Variants in LRRC4C observed in about 807,000 individuals in gnomAD.
LRRC4C encodes leucine-rich repeat-containing protein 4C.
LRRC4C carries 5 observed loss-of-function variants against 33.6 expected under a neutral mutation model. The ratio of observed to expected loss-of-function variants is 0.15; its 90% confidence interval spans 0.08 to 0.31. The LOEUF (loss-of-function observed/expected upper bound fraction) is 0.31, where lower values mean the gene tolerates loss of function less well. Ranked by LOEUF, LRRC4C falls within the 10% of genes least tolerant of loss-of-function variation. LRRC4C has a pLI of 1.00. For synonymous variants in LRRC4C, 329 were observed against 302.0 expected (o/e 1.09, Z -0.93); for missense variants, 560 against 796.7 (o/e 0.70, Z 3.58).
At chr11:40,935,618 C>A (rs1208242304) in intron 1 of LRRC4C, among the ~76,000 whole-genome samples, 1 of 151,944 alleles carries the variant, frequency 6.6e-6, no homozygotes, top group Non-Finnish European at 1.5e-5. Context: ...TACCACATAG[C>A]CTAGGTGTAT....
intron 2 of LRRC4C, among the ~76,000 whole-genome samples, chr11:40,870,327 T>C (rs1954575588): frequency 6.6e-6 from 1 of 152,114 alleles, no homozygotes; most frequent in Admixed American, 6.6e-5. Context: ...TGGTGGTGCA[T>C]GGGATATGGT....
intron 1 of LRRC4C, among the ~76,000 whole-genome samples, chr11:41,159,762 A>G (rs945278947): frequency 3.1e-4 from 47 of 152,258 alleles, no homozygotes; most frequent in African/African-American, 9.1e-4. Flanking sequence ...AGAGAGATAC[A>G]CTTTTTATAC....
At chr11:40,739,417 C>T (rs866857977) in intron 2 of LRRC4C, among the ~76,000 whole-genome samples, 91 of 150,968 alleles carry the variant, frequency 6.0e-4, no homozygotes, top group African/African-American at 1.9e-3. Context: ...GAATACTCTT[C>T]CATTCTCTGT....
chr11:40,141,345 C>A (rs1857353724), intron 5 of LRRC4C, among the ~76,000 whole-genome samples: 1 of 152,024 alleles, frequency 6.6e-6, no homozygotes, highest in Admixed American at 6.6e-5. Flanking sequence ...GATATAAAAT[C>A]TTTCCTCTCT....
chr11:41,447,468 G>A (rs1331490476), intron 1 of LRRC4C, among the ~76,000 whole-genome samples: 4 of 152,092 alleles, frequency 2.6e-5, no homozygotes, highest in Non-Finnish European at 5.9e-5. Context: ...AAGTTCTAAA[G>A]GGTGAGAATT....
At chr11:41,434,071 G>A (rs578054950) in intron 1 of LRRC4C, among the ~76,000 whole-genome samples, 2 of 152,172 alleles carry the variant, frequency 1.3e-5, no homozygotes, top group East Asian at 1.9e-4. Flanking sequence ...ACTTCCATCA[G>A]AATCAGTTAG....
intron 2 of LRRC4C, among the ~76,000 whole-genome samples, chr11:40,928,343 T>C (rs967687621): frequency 2.6e-4 from 39 of 151,556 alleles, no homozygotes; most frequent in Admixed American, 2.5e-3. Context: ...AATAAAAACA[T>C]ATTGAAAATT....
intron 1 of LRRC4C, among the ~76,000 whole-genome samples, chr11:40,984,367 GAAAGAAAGAAAGA>G (rs1852797286): frequency 1.5e-4 from 14 of 96,486 alleles, no homozygotes; most frequent in Non-Finnish European, 3.0e-4. Context: ...AAAGAAAAAA[GAAAGAAAGAAAGA>G]AAGAAAGAAA....
intron 2 of LRRC4C, among the ~76,000 whole-genome samples, chr11:40,867,551 A>G (rs1036998728): frequency 1.3e-5 from 2 of 152,318 alleles, no homozygotes; most frequent in South Asian, 4.1e-4. Flanking sequence ...AAATAAATCA[A>G]TTGGGGGGAA....
chr11:40,340,042 T>G (rs1399059100), intron 3 of LRRC4C, among the ~76,000 whole-genome samples: 1 of 152,142 alleles, frequency 6.6e-6, no homozygotes, highest in African/African-American at 2.4e-5. Flanking sequence ...ACTAGAAATT[T>G]TAATTGAGAA....
chr11:41,364,665 G>C (rs1055566553), intron 1 of LRRC4C, among the ~76,000 whole-genome samples: 2 of 152,134 alleles, frequency 1.3e-5, no homozygotes, highest in Non-Finnish European at 2.9e-5. Context: ...AGAGGGAGAA[G>C]AGCTCAGAAC....
At chr11:40,443,669 T>C (rs1951497085) in intron 3 of LRRC4C, among the ~76,000 whole-genome samples, 2 of 152,206 alleles carry the variant, frequency 1.3e-5, no homozygotes, top group South Asian at 4.1e-4. Flanking sequence ...ATTAATTTGA[T>C]TGGAGTGTTA....
chr11:40,432,636 A>G (rs150735905), intron 3 of LRRC4C, among the ~76,000 whole-genome samples: 3 of 152,324 alleles, frequency 2.0e-5, no homozygotes, highest in African/African-American at 4.8e-5. Flanking sequence ...GGTCTTCTCT[A>G]CATGAATGTA....
intron 3 of LRRC4C, among the ~76,000 whole-genome samples, chr11:40,626,290 C>G (rs1315046281): frequency 1.3e-5 from 2 of 152,062 alleles, no homozygotes; most frequent in African/African-American, 4.8e-5. Context: ...GACAATTTTC[C>G]TAGCCATACT....
intron 3 of LRRC4C, among the ~76,000 whole-genome samples, chr11:40,621,608 T>A (rs1267361343): frequency 6.6e-6 from 1 of 151,784 alleles, no homozygotes; most frequent in East Asian, 1.9e-4. Context: ...GGTGAGGTAA[T>A]GATGACTTTA....
At chr11:41,016,791 C>T (rs1167889037) in intron 1 of LRRC4C, among the ~76,000 whole-genome samples, 1 of 152,122 alleles carries the variant, frequency 6.6e-6, no homozygotes, top group African/African-American at 2.4e-5. Context: ...TTGAAAATTA[C>T]CAGAATTACA....
intron 3 of LRRC4C, among the ~76,000 whole-genome samples, chr11:40,546,108 TC>T: frequency 6.6e-6 from 1 of 150,638 alleles, no homozygotes; most frequent in Non-Finnish European, 1.5e-5. Flanking sequence ...CTTCCTTCCT[TC>T]CTTCCTTCCT....
At chr11:41,351,402 C>G (rs763413831) in intron 1 of LRRC4C, among the ~76,000 whole-genome samples, 39 of 152,120 alleles carry the variant, frequency 2.6e-4, no homozygotes, top group Non-Finnish European at 7.3e-5. Flanking sequence ...ATGAAGTAGA[C>G]CACTTAGAAA....
chr11:40,877,345 GT>G (rs2135989445), intron 2 of LRRC4C, among the ~76,000 whole-genome samples: 1 of 152,216 alleles, frequency 6.6e-6, no homozygotes, highest in East Asian at 1.9e-4. Flanking sequence ...TCTGGTGTTT[GT>G]TGCCCACGAA....
Sources: allele counts gnomAD v4.1 joint callset (sites outside exome capture counted in the v4.1 genomes callset), GRCh38; gene constraint gnomAD v4.1.1; transcripts MANE v1.5; gene names NCBI Gene and HGNC (gene_info 2026-07-23, HGNC 2026-07-21).